MYO5B: variants seen among roughly 807,000 people sequenced by gnomAD.
MYO5B encodes the protein unconventional myosin-Vb.
A neutral mutation model predicts 229.3 loss-of-function variants in MYO5B; 143 were observed. The observed-to-expected ratio is 0.62, with a 90% CI of 0.54 to 0.72. MYO5B has a LOEUF of 0.72. MYO5B is among the 30% of genes least tolerant of loss of function. The probability of loss-of-function intolerance (pLI) is 0.00; values close to 1 mark genes in which losing one functional copy is unlikely to be tolerated. For synonymous variants in MYO5B, 918 were observed against 885.2 expected, an observed-to-expected ratio of 1.04 and a Z score of -0.66; for missense variants, 2,321 against 2,331.0, an observed-to-expected ratio of 1.00 and a Z score of 0.09.
chr18:50,127,354 T>C (rs745769216), intron 1 of MYO5B, among the ~76,000 whole-genome samples: 1 of 152,218 alleles, frequency 6.6e-6, no homozygotes, highest in Admixed American at 6.5e-5. Flanking sequence ...CAGCCAAGTT[T>C]TGAACGCTTC....
intron 9 of MYO5B, among the ~76,000 whole-genome samples, chr18:49,978,257 GT>G (rs2025774817): frequency 6.6e-6 from 1 of 152,140 alleles, no homozygotes; most frequent in Admixed American, 6.5e-5. Context: ...CAAACACTCA[GT>G]GGGTACTAGA....
At chr18:50,011,943 G>A (rs2026165046) in intron 4 of MYO5B, among the ~76,000 whole-genome samples, 2 of 151,972 alleles carry the variant, frequency 1.3e-5, no homozygotes, top group East Asian at 1.9e-4. Flanking sequence ...CCAAGCAGAG[G>A]TGCCAGGCTG....
At chr18:50,190,138 G>C (rs1482887924) in intron 1 of MYO5B, among the ~76,000 whole-genome samples, 3 of 152,150 alleles carry the variant, frequency 2.0e-5, no homozygotes, top group African/African-American at 7.2e-5. Context: ...TGAAAATCCA[G>C]GTATTTGAAA....
chr18:49,855,292 T>C (rs929328400), intron 30 of MYO5B, among the ~76,000 whole-genome samples: 1 of 152,162 alleles, frequency 6.6e-6, no homozygotes, highest in Admixed American at 6.5e-5. Flanking sequence ...ACTTAAACAT[T>C]AGGCTAGCCA....
chr18:49,836,023 G>A (rs1373787391), intron 38 of MYO5B, among the ~76,000 whole-genome samples: 1 of 152,168 alleles, frequency 6.6e-6, no homozygotes, highest in Non-Finnish European at 1.5e-5. Context: ...GAAGGAAGCA[G>A]TTTTTTAAAG....
chr18:50,122,628 G>C (rs1240723590), intron 1 of MYO5B, among the ~76,000 whole-genome samples: 3 of 2,554 alleles, frequency 1.2e-3, no homozygotes, highest in South Asian at 0.022. Context: ...GGGAGGGAAG[G>C]GGGGGGGAGA....
At chr18:50,103,646 T>G (rs992704012) in intron 1 of MYO5B, among the ~76,000 whole-genome samples, 2 of 152,140 alleles carry the variant, frequency 1.3e-5, no homozygotes, top group Non-Finnish European at 2.9e-5. Context: ...CTGGGAAGGC[T>G]GAGAGGATGG....
intron 29 of MYO5B, among the ~76,000 whole-genome samples, chr18:49,858,123 A>G (rs1041550540): frequency 1.1e-4 from 16 of 152,186 alleles, no homozygotes; most frequent in African/African-American, 3.6e-4. Context: ...GGCTCTTTTA[A>G]TGTTTAACCT....
intron 20 of MYO5B, among the ~76,000 whole-genome samples, 195 bp from the exon 21 acceptor site, chr18:49,903,028 A>T (rs1193911063): frequency 6.6e-6 from 1 of 152,322 alleles, no homozygotes; most frequent in Non-Finnish European, 1.5e-5. Flanking sequence ...CTGCGCCTAC[A>T]TATCCACAGG....
At chr18:49,904,572 A>T (rs1326445387) in intron 20 of MYO5B, 100 bp downstream of exon 20, 2 of 1,456,056 alleles carry the variant, frequency 1.4e-6, no homozygotes, top group East Asian at 4.5e-5. Flanking sequence ...TTTAGAAAAA[A>T]GTTGGGAGTG....
intron 21 of MYO5B, among the ~76,000 whole-genome samples, chr18:49,898,753 A>C (rs1196099581): frequency 6.6e-6 from 1 of 152,180 alleles, no homozygotes; most frequent in Non-Finnish European, 1.5e-5. Flanking sequence ...GTTTGCATAG[A>C]AACTTGGTGC....
At chr18:50,037,146 C>A (rs901875168) in intron 3 of MYO5B, 152 bp from the exon 4 acceptor site, 9 of 822,446 alleles carry the variant, frequency 1.1e-5, no homozygotes, top group African/African-American at 5.1e-5. Flanking sequence ...TCAATCAAGG[C>A]TCATCTGTGT....
At chr18:50,079,135 T>A (rs544333498) in intron 1 of MYO5B, among the ~76,000 whole-genome samples, 1 of 152,240 alleles carries the variant, frequency 6.6e-6, no homozygotes, top group African/African-American at 2.4e-5. Context: ...TGTCTCTTGA[T>A]CAGGTTCTAG....
intron 1 of MYO5B, among the ~76,000 whole-genome samples, chr18:50,187,366 C>G (rs2033162523): frequency 6.6e-6 from 1 of 152,224 alleles, no homozygotes; most frequent in South Asian, 2.1e-4. Flanking sequence ...TAACAGGACA[C>G]ATTGATATCA....
chr18:49,935,434 G>A (rs1447363998), intron 16 of MYO5B, among the ~76,000 whole-genome samples: 2 of 107,222 alleles, frequency 1.9e-5, no homozygotes, highest in Non-Finnish European at 4.4e-5. Flanking sequence ...GCAGGTTAGA[G>A]AGAACTTCTA....
chr18:49,842,079 T>C (rs1447063867), intron 34 of MYO5B, among the ~76,000 whole-genome samples: 74 of 148,942 alleles, frequency 5.0e-4, no homozygotes, highest in Non-Finnish European at 4.4e-5. Flanking sequence ...CAGAGTGGTA[T>C]GAGGTACGAC....
At chr18:49,914,775 C>CAAA (rs5824810) in intron 17 of MYO5B, among the ~76,000 whole-genome samples, 12 of 106,186 alleles carry the variant, frequency 1.1e-4, no homozygotes, top group African/African-American at 3.3e-4. Context: ...GACCTTGTCT[C>CAAA]AAAAAAAAAA....
Position 49,837,420 on chromosome 18 carries a change from A to AT in MYO5B, c.5138+96dup. The AT allele has an allele frequency of 2.8e-6, 4 of 1,449,616 alleles. No homozygotes were observed. The Admixed American group carries it at 6.7e-5, about 24-fold the overall frequency. The allele number at this position is 1,449,616 out of a possible 1,614,324, so 89.8% of individuals were successfully genotyped here. ...GACAAGGACTGTCAATTAGATTTGG[A>AT]TTTCATTTTTAGAAACAGCAGTCTT... On this transcript the variant is annotated intron_variant, in intron 37 of 39. Transcript: ENST00000285039.
rs79581063 is a variant in MYO5B at position 49,937,040 on chromosome 18, C to T, written c.1905+205G>A. 4.0e-4 allele frequency among the ~76,000 whole-genome samples: 61 copies of T among 152,340 alleles called. 1 individual carries two copies. The East Asian group carries it at 9.5e-3, about 24-fold the overall frequency. On this transcript the variant is annotated intron_variant, in intron 15 of 39. Coordinates refer to ENST00000285039, the MANE Select transcript of MYO5B (RefSeq NM_001080467.3). The stretch of plus-strand genomic sequence containing the variant: ...TACTTATGGAGGCTACGGTCGGCCC[C>T]TTCCCTCCTCCCTCTGTTAGTTCCT...
Sources: gnomAD v4.1 joint callset for allele counts (sites outside exome capture counted in the v4.1 genomes callset) on GRCh38, gnomAD v4.1.1 for gene constraint, MANE v1.5 for transcripts, NCBI Gene and HGNC (gene_info 2026-07-23, HGNC 2026-07-21) for gene names.